The following ST8SIA1 variants were observed in gnomAD, a reference collection of about 807,000 sequenced individuals.
ST8SIA1 encodes the protein alpha-N-acetylneuraminide alpha-2,8-sialyltransferase.
ST8SIA1 carries 16 observed loss-of-function variants against 35.9 expected under a neutral mutation model. The ratio of observed to expected loss-of-function variants is 0.45; its 90% confidence interval spans 0.30 to 0.68. ST8SIA1 has a LOEUF of 0.68. ST8SIA1 is among the 30% of genes least tolerant of loss of function. The probability of loss-of-function intolerance (pLI) is 0.09; values close to 1 mark genes in which losing one functional copy is unlikely to be tolerated. For synonymous variants in ST8SIA1, 170 were observed against 169.6 expected (o/e 1.00, Z -0.02); for missense variants, 383 against 453.6 (o/e 0.84, Z 1.41).
At chr12:22,326,567 T>C (rs949292831) in intron 1 of ST8SIA1, among the ~76,000 whole-genome samples, 2 of 152,218 alleles carry the variant, frequency 1.3e-5, no homozygotes, top group Non-Finnish European at 2.9e-5. Context: ...ACAAAGTTGA[T>C]AAATGACAGA....
rs1864981188 is a variant in ST8SIA1 at position 22,195,838 on chromosome 12, G to C, written c.*5714C>G. On this transcript the variant is annotated 3_prime_UTR_variant, in exon 5 of 5. Coordinates refer to ENST00000396037, the MANE Select transcript of ST8SIA1 (RefSeq NM_003034.4). ...TTCGTAATGCTGTGCAGATAAAATA[G>C]ACATTAACTGATTCTTACTTTTCTT... 6.6e-6 allele frequency: 1 copy of C among 152,060 alleles called. No individual in the cohort carries two copies. Among genetic ancestry groups the C allele is most frequent in the Admixed American group, 6.6e-5 (1 of 15,262 alleles). 9.4% of individuals were successfully genotyped at this position (152,060 alleles called of 1,614,324 possible). A position where few individuals can be genotyped will look rare whatever the true frequency, so the allele number is the denominator to read the frequency against.
At chr12:22,238,775 A>T (rs1237327565) in intron 4 of ST8SIA1, among the ~76,000 whole-genome samples, 1 of 152,202 alleles carries the variant, frequency 6.6e-6, no homozygotes, top group Non-Finnish European at 1.5e-5. Context: ...GATAATAATT[A>T]TTGTTTTATA....
chr12:22,214,654 G>A (rs1865215410), intron 4 of ST8SIA1, among the ~76,000 whole-genome samples: 1 of 147,484 alleles, frequency 6.8e-6, no homozygotes, highest in African/African-American at 2.5e-5. Flanking sequence ...AAATCCTTTT[G>A]GAGCAAATGA....
chr12:22,274,732 G>A (rs542286073), intron 2 of ST8SIA1, among the ~76,000 whole-genome samples: 5 of 152,138 alleles, frequency 3.3e-5, no homozygotes, highest in Non-Finnish European at 7.4e-5. Context: ...TTCTTCCATC[G>A]CTGTTGCCTG....
intron 3 of ST8SIA1, chr12:22,250,807 C>G (rs1314533908): frequency 1.3e-5 from 2 of 152,208 alleles, no homozygotes; most frequent in Non-Finnish European, 2.9e-5. Context: ...TTTATCTGCT[C>G]TTCGGTGATA....
At chr12:22,318,585 C>A (rs996263155) in intron 1 of ST8SIA1, among the ~76,000 whole-genome samples, 5 of 152,088 alleles carry the variant, frequency 3.3e-5, no homozygotes, top group African/African-American at 1.2e-4. Flanking sequence ...CCTTCTCAAG[C>A]TAAGCCACTG....
At chr12:22,298,331 AC>A (rs1866272388) in intron 1 of ST8SIA1, among the ~76,000 whole-genome samples, 1 of 152,192 alleles carries the variant, frequency 6.6e-6, no homozygotes, top group Non-Finnish European at 1.5e-5. Flanking sequence ...GGGGCTTGTC[AC>A]TGGCATCTAA....
At chr12:22,245,574 G>A (rs1865590776) in intron 4 of ST8SIA1, among the ~76,000 whole-genome samples, 1 of 152,218 alleles carries the variant, frequency 6.6e-6, no homozygotes, top group African/African-American at 2.4e-5. Context: ...AAGATCAGAA[G>A]GTGTGATAGT....
chr12:22,246,447 G>T (rs1865603078), intron 4 of ST8SIA1, among the ~76,000 whole-genome samples: 1 of 151,730 alleles, frequency 6.6e-6, no homozygotes, highest in Non-Finnish European at 1.5e-5. Flanking sequence ...TGAGATCTTC[G>T]ATCTCATTCC....
chr12:22,201,958 G>C lies in ST8SIA1; in HGVS notation c.665C>G (p.Ala222Gly). 1 of 1,613,902 alleles carries C rather than the reference G, an allele frequency of 6.2e-7. No individual in the cohort carries two copies. Among genetic ancestry groups the C allele is most frequent in the Non-Finnish European group, 8.5e-7 (1 of 1,179,878 alleles). ...IYNHSYIYMPAFSMKTGTEPS... is the reference protein window; with the variant it reads ...IYNHSYIYMPGFSMKTGTEPS... ...CTCTGTTCCTGTCTTCATAGAAAAG[G>C]CAGGCATGTAGATGTAACTGTGGTT... The change falls in exon 5 of 5, where the codon GCC (alanine) becomes GGC (glycine). Residue 222 changes from alanine to glycine, a missense_variant. By Grantham distance (60) the Ala-to-Gly change is moderately conservative. Coordinates refer to ENST00000396037, the MANE Select transcript of ST8SIA1 (RefSeq NM_003034.4).
intron 2 of ST8SIA1, among the ~76,000 whole-genome samples, chr12:22,265,753 C>G (rs971489534): frequency 6.6e-6 from 1 of 152,160 alleles, no homozygotes. Context: ...TTCTTCTCCT[C>G]TTTCCACTCT....
intron 4 of ST8SIA1, 48 bp downstream of exon 4, chr12:22,248,958 A>G (rs1480244803): frequency 7.1e-7 from 1 of 1,398,664 alleles, no homozygotes; most frequent in South Asian, 1.2e-5. Context: ...TAAGTACTTG[A>G]GAAGACTTCA....
chr12:22,330,402 A>G (rs978493114), intron 1 of ST8SIA1, among the ~76,000 whole-genome samples: 5 of 152,122 alleles, frequency 3.3e-5, no homozygotes, highest in African/African-American at 4.8e-5. Context: ...ACAAGCCCCA[A>G]TTTACAAATG....
At chr12:22,331,999 T>C (rs763916158) in intron 1 of ST8SIA1, among the ~76,000 whole-genome samples, 1 of 152,198 alleles carries the variant, frequency 6.6e-6, no homozygotes, top group Non-Finnish European at 1.5e-5. Context: ...GCAATGTAGA[T>C]AAACAAGAAA....
At chr12:22,251,041 A>G (rs939277956) in intron 3 of ST8SIA1, among the ~76,000 whole-genome samples, 1 of 152,204 alleles carries the variant, frequency 6.6e-6, no homozygotes, top group Non-Finnish European at 1.5e-5. Flanking sequence ...ATTAACAGCC[A>G]GGCTCATCCG....
chr12:22,198,506 A>C lies in ST8SIA1; in HGVS notation c.*3046T>G, dbSNP rs1189847973. 2 of 148,894 alleles carry C rather than the reference A, an allele frequency of 1.3e-5. No individual in the cohort carries two copies. Among genetic ancestry groups the C allele is most frequent in the Non-Finnish European group, 2.9e-5 (2 of 67,996 alleles). 9.2% of individuals were successfully genotyped at this position (148,894 alleles called of 1,614,324 possible). A position where few individuals can be genotyped will look rare whatever the true frequency, so the allele number is the denominator to read the frequency against. On this transcript the variant is annotated 3_prime_UTR_variant, in exon 5 of 5. Coordinates refer to ENST00000396037, the MANE Select transcript of ST8SIA1 (RefSeq NM_003034.4). The stretch of plus-strand genomic sequence containing the variant: ...ACACATAGCACAGTTAAGGATAGAG[A>C]TGCCTAACTTCATGCTACACACACA...
intron 4 of ST8SIA1, among the ~76,000 whole-genome samples, chr12:22,239,824 AACC>A (rs1865519969): frequency 1.3e-5 from 2 of 152,214 alleles, no homozygotes; most frequent in Admixed American, 1.3e-4. Flanking sequence ...ACTGACCTGG[AACC>A]ACAATAGGCT....
intron 1 of ST8SIA1, among the ~76,000 whole-genome samples, chr12:22,297,003 G>A (rs1344305622): frequency 6.6e-6 from 1 of 152,160 alleles, no homozygotes; most frequent in Non-Finnish European, 1.5e-5. Context: ...AGGGTGGGAT[G>A]CAGCGGGGAT....
intron 2 of ST8SIA1, among the ~76,000 whole-genome samples, chr12:22,258,213 C>G (rs1458572472): frequency 1.3e-5 from 2 of 152,056 alleles, no homozygotes; most frequent in African/African-American, 4.8e-5. Context: ...TGCCATTTAC[C>G]AACATATGGA....
Sources: allele counts gnomAD v4.1 joint callset (sites outside exome capture counted in the v4.1 genomes callset), GRCh38; gene constraint gnomAD v4.1.1; transcripts MANE v1.5; gene names NCBI Gene and HGNC (gene_info 2026-07-23, HGNC 2026-07-21).